The following EPHA5 variants were observed in gnomAD, a reference collection of about 807,000 sequenced individuals.
EPHA5 encodes ephrin type-A receptor 5.
Under a neutral mutation model 105.0 loss-of-function variants are expected in EPHA5, and 60 were observed. The observed-to-expected ratio is 0.57, with a 90% CI of 0.46 to 0.71. The LOEUF (loss-of-function observed/expected upper bound fraction) is 0.71. EPHA5 is among the 30% of genes least tolerant of loss of function. The pLI is 0.00. For synonymous variants in EPHA5, 513 were observed against 449.1 expected (o/e 1.14, Z -1.80); for missense variants, 1,218 against 1,274.7 (o/e 0.96, Z 0.68).
intron 8 of EPHA5, among the ~76,000 whole-genome samples, chr4:65,400,863 G>A (rs1560496617): frequency 6.6e-6 from 1 of 151,974 alleles, no homozygotes. Flanking sequence ...TGCAAGTGAT[G>A]TTAATATTTT....
At chr4:65,380,222 T>C (rs896367334) in intron 8 of EPHA5, among the ~76,000 whole-genome samples, 1 of 151,814 alleles carries the variant, frequency 6.6e-6, no homozygotes, top group African/African-American at 2.4e-5. Context: ...ACAAGATTGT[T>C]TTAATCCAAG....
intron 4 of EPHA5, among the ~76,000 whole-genome samples, chr4:65,493,582 T>C (rs1196782234): frequency 3.9e-5 from 6 of 152,166 alleles, no homozygotes; most frequent in African/African-American, 7.2e-5. Flanking sequence ...ATCTTATACA[T>C]AAGTCCTAAT....
At chr4:65,630,824 C>T (rs1049443477) in intron 2 of EPHA5, among the ~76,000 whole-genome samples, 4 of 152,080 alleles carry the variant, frequency 2.6e-5, no homozygotes, top group Non-Finnish European at 4.4e-5. Flanking sequence ...TAAATGAAAC[C>T]AATTGACTTT....
intron 5 of EPHA5, among the ~76,000 whole-genome samples, chr4:65,462,615 T>C (rs568283181): frequency 6.6e-6 from 1 of 152,250 alleles, no homozygotes; most frequent in African/African-American, 2.4e-5. Flanking sequence ...ACTCCCTCTC[T>C]CCACATGCTC....
chr4:65,585,016 C>G (rs903694392), intron 3 of EPHA5, among the ~76,000 whole-genome samples: 1 of 151,640 alleles, frequency 6.6e-6, no homozygotes, highest in Non-Finnish European at 1.5e-5. Context: ...GAAGATATGA[C>G]CTAAGTTTCC....
chr4:65,445,341 T>C (rs955898261), intron 5 of EPHA5, among the ~76,000 whole-genome samples: 1 of 152,174 alleles, frequency 6.6e-6, no homozygotes, highest in African/African-American at 2.4e-5. Flanking sequence ...AAATATTACA[T>C]TTTTAAACAA....
intron 2 of EPHA5, among the ~76,000 whole-genome samples, chr4:65,608,285 C>T (rs957887677): frequency 1.3e-5 from 2 of 152,146 alleles, no homozygotes; most frequent in South Asian, 4.1e-4. Context: ...AAGTGGATCA[C>T]GGAGGTCAGG....
chr4:65,354,997 T>C (rs1436315421), intron 11 of EPHA5, among the ~76,000 whole-genome samples: 2 of 151,802 alleles, frequency 1.3e-5, no homozygotes, highest in African/African-American at 4.8e-5. Context: ...TAAAATACTT[T>C]ATTTGACACA....
At chr4:65,431,647 T>A (rs1578103214) in intron 5 of EPHA5, among the ~76,000 whole-genome samples, 1 of 152,090 alleles carries the variant, frequency 6.6e-6, no homozygotes, top group East Asian at 1.9e-4. Flanking sequence ...TGCCAAGCGC[T>A]AGTGAGTTGG....
intron 9 of EPHA5, among the ~76,000 whole-genome samples, chr4:65,366,967 G>GA (rs140157603): frequency 9.7e-4 from 142 of 147,022 alleles, no homozygotes; most frequent in African/African-American, 2.0e-3. Flanking sequence ...AAAGCTAGAA[G>GA]AAAAAAAAAA....
At position 65,366,039 on chromosome 4, in the gene EPHA5, C is replaced by A; in HGVS notation, c.1880G>T (p.Arg627Ile). ...ATAGGTATGTGGATCAATGTAAGTT[C>A]TTACTCCTGGCAGTTTAACTGTAAA... ...HNGHIKLPGV[R>I]TYIDPHTYED... The change falls in exon 10 of 17, where the codon AGA becomes ATA. Residue 627 changes from arginine (R) to isoleucine (I), a missense_variant. By Grantham distance (97) the Arg-to-Ile change is moderately conservative (BLOSUM62 -3). This residue lies in a region of EPHA5 where 971 missense variants were observed against 1,013.5 expected (regional missense o/e 0.96). Transcript: ENST00000613740. 6.3e-7 allele frequency: 1 copy of A among 1,597,882 alleles called. No homozygotes were observed. Among genetic ancestry groups the A allele is most frequent in the Non-Finnish European group, 8.6e-7 (1 of 1,168,554 alleles).
At chr4:65,575,982 A>AAGAGAG (rs370914193) in intron 3 of EPHA5, among the ~76,000 whole-genome samples, 8 of 39,718 alleles carry the variant, frequency 2.0e-4, no homozygotes, top group African/African-American at 3.8e-4. Context: ...TCAAAAAAGA[A>AAGAGAG]AGAGAGAGAG....
chr4:65,478,768 G>A (rs562183035), intron 5 of EPHA5, among the ~76,000 whole-genome samples: 67 of 152,032 alleles, frequency 4.4e-4, no homozygotes, highest in African/African-American at 1.5e-3. Flanking sequence ...CAAGGGACCC[G>A]GCTTTGACCC....
At chr4:65,648,099 C>T (rs1318809642) in intron 1 of EPHA5, among the ~76,000 whole-genome samples, 1 of 152,074 alleles carries the variant, frequency 6.6e-6, no homozygotes, top group Non-Finnish European at 1.5e-5. Context: ...AAGCAGATTG[C>T]TAACTCATTA....
chr4:65,567,366 G>A (rs1029487897), intron 3 of EPHA5, among the ~76,000 whole-genome samples: 11 of 151,438 alleles, frequency 7.3e-5, no homozygotes, highest in African/African-American at 2.2e-4. Flanking sequence ...ATGTCAAACC[G>A]ACAATCCTCA....
chr4:65,646,934 G>A (rs996990243), intron 1 of EPHA5, among the ~76,000 whole-genome samples: 1 of 152,002 alleles, frequency 6.6e-6, no homozygotes, highest in Admixed American at 6.6e-5. Context: ...TAATTTCTCA[G>A]TATTCATGAC....
Position 65,601,812 on chromosome 4 carries a change from T to C in EPHA5, c.739A>G (p.Ile247Val). The C allele has an allele frequency of 6.2e-7, 1 of 1,614,178 alleles. No individual in the cohort carries two copies. Among genetic ancestry groups the C allele is most frequent in the Non-Finnish European group, 8.5e-7 (1 of 1,180,018 alleles). Residue 247 changes from isoleucine (I) to valine (V), a missense_variant, in exon 3 of 17, where the codon ATC becomes GTC. Ile to Val is a conservative substitution (Grantham distance 29). Coordinates refer to ENST00000613740, the MANE Select transcript of EPHA5 (RefSeq NM_001281766.3). ...VRHLAVFPDTITGADSSQLLE... is the reference protein window; with the variant it reads ...VRHLAVFPDTVTGADSSQLLE... ...AATTGGGAAGAATCAGCTCCAGTGA[T>C]GGTGTCAGGGAAGACAGCCAAGTGT...
At chr4:65,332,661 T>G (rs1376421) in intron 15 of EPHA5, among the ~76,000 whole-genome samples, 140,060 of 150,882 alleles carry the variant, frequency 0.93, 65,730 homozygotes, top group Non-Finnish European at 1. Flanking sequence ...TAAGGAGTAC[T>G]TGGGAGATCT....
At chr4:65,580,251 T>C (rs1474200626) in intron 3 of EPHA5, among the ~76,000 whole-genome samples, 1 of 151,926 alleles carries the variant, frequency 6.6e-6, no homozygotes, top group East Asian at 1.9e-4. Context: ...ATAGCTGCTG[T>C]AACTACAGAA....
Sources: gnomAD v4.1 joint callset for allele counts (sites outside exome capture counted in the v4.1 genomes callset) on GRCh38, gnomAD v4.1.1 for gene constraint, gnomAD v4.1.1 regional missense constraint, MANE v1.5 for transcripts, NCBI Gene and HGNC (gene_info 2026-07-23, HGNC 2026-07-21) for gene names.